TBC1D8: variants seen among roughly 807,000 people sequenced by gnomAD.
TBC1D8 encodes the protein BUB2-like protein 1.
TBC1D8 carries 65 observed loss-of-function variants against 118.8 expected under a neutral mutation model. The observed-to-expected ratio is 0.55, with a 90% confidence interval of 0.45 to 0.67. The LOEUF (loss-of-function observed/expected upper bound fraction) is 0.67. TBC1D8 is among the 30% of genes least tolerant of loss of function. TBC1D8 has a pLI of 0.00. For synonymous variants in TBC1D8, 566 were observed against 595.8 expected (o/e 0.95, Z 0.73); for missense variants, 1,376 against 1,471.2 (o/e 0.94, Z 1.06).
chr2:101,044,094 C>T (rs1298466615), intron 5 of TBC1D8, among the ~76,000 whole-genome samples: 6 of 152,334 alleles, frequency 3.9e-5, no homozygotes, highest in Non-Finnish European at 8.8e-5. Context: ...GTCTCCATTC[C>T]CCTTTCAGGG....
rs1448240717 is a variant in TBC1D8, at chr2:101,008,019, C to T, written c.3270G>A (p.Glu1090=). The T allele has an allele frequency of 1.2e-6, 2 of 1,614,004 alleles. No homozygotes were observed. Among genetic ancestry groups the T allele is most frequent in the African/African-American group, 1.3e-5 (1 of 75,038 alleles). The stretch of plus-strand genomic sequence containing the variant: ...AGACAGTCCAGTCCCTTTCTGCCGC[C>T]TCTGGAAATGCCTGGGAGTCCTGGG... ...KTPQDSQAFP[E]AAERDWTVSL... The change falls in exon 20 of 20, where the codon GAG becomes GAA. Residue 1090 remains glutamate (E), a synonymous_variant. Coordinates refer to ENST00000409318, the MANE Select transcript of TBC1D8 (RefSeq NM_001330348.2).
At chr2:101,011,754 A>G (rs1429447403) in intron 17 of TBC1D8, among the ~76,000 whole-genome samples, 1 of 152,228 alleles carries the variant, frequency 6.6e-6, no homozygotes, top group Non-Finnish European at 1.5e-5. Flanking sequence ...GCCTTTTCCC[A>G]GAGGTATGTG....
chr2:101,056,482 C>T (rs1682442253), intron 3 of TBC1D8, among the ~76,000 whole-genome samples: 3 of 152,164 alleles, frequency 2.0e-5, no homozygotes, highest in Non-Finnish European at 2.9e-5. Context: ...AGGCGTGAGC[C>T]ACCGCGCCCG....
At chr2:101,088,307 T>A (rs1387573721) in intron 2 of TBC1D8, among the ~76,000 whole-genome samples, 1 of 152,124 alleles carries the variant, frequency 6.6e-6, no homozygotes, top group Non-Finnish European at 1.5e-5. Context: ...CTTTTTTTTT[T>A]CCTTTGAGAC....
intron 17 of TBC1D8, among the ~76,000 whole-genome samples, chr2:101,011,785 CAT>C (rs1445113028): frequency 3.3e-5 from 5 of 152,160 alleles, no homozygotes; most frequent in Admixed American, 2.0e-4. Flanking sequence ...TAATTAACAA[CAT>C]ACACATTCAT....
In TBC1D8 at chr2:101,112,056, T is replaced by C. The variant is rs1024390357; in HGVS notation, c.128-21692A>G. 2.0e-5 allele frequency among the ~76,000 whole-genome samples: 3 copies of C among 152,204 alleles called. 1 individual carries two copies. Among genetic ancestry groups the C allele is most frequent in the Non-Finnish European group, 4.4e-5 (3 of 68,038 alleles). On this transcript the variant is annotated intron_variant, in intron 1 of 19. Transcript: ENST00000409318. ...AATCCATCTGAACACAGATGTGCTC[T>C]GGGTCCACATTGCTCACCCCTGACA...
rs1317641166 is a variant in TBC1D8, at chr2:101,106,908, C to A, written c.128-16544G>T. On this transcript the variant is annotated intron_variant, in intron 1 of 19. Transcript: ENST00000409318. The stretch of plus-strand genomic sequence containing the variant: ...ATATGCTTTGTGTTAGAAGACTTTG[C>A]CTAACTGTAGGCTAATGTAAGTGTT... 2.0e-5 allele frequency among the ~76,000 whole-genome samples: 3 copies of A among 152,166 alleles called. No individual in the cohort carries two copies. In the East Asian group the frequency reaches 5.8e-4, roughly 29 times the overall value.
chr2:101,036,816 A>C (rs1449200324), intron 8 of TBC1D8, among the ~76,000 whole-genome samples: 1 of 152,254 alleles, frequency 6.6e-6, no homozygotes, highest in Non-Finnish European at 1.5e-5. Flanking sequence ...GGCAGAAATA[A>C]ATACATATAT....
intron 1 of TBC1D8, among the ~76,000 whole-genome samples, chr2:101,096,621 A>G (rs1486461096): frequency 6.6e-6 from 1 of 152,010 alleles, no homozygotes; most frequent in Non-Finnish European, 1.5e-5. Flanking sequence ...AGAGATGGAA[A>G]CTCTGAGGAA....
chr2:101,137,666 T>C (rs1389344527), intron 1 of TBC1D8, among the ~76,000 whole-genome samples: 1 of 152,194 alleles, frequency 6.6e-6, no homozygotes, highest in East Asian at 1.9e-4. Context: ...AACAAAATAC[T>C]AAATACATCT....
chr2:101,060,392 C>G (rs1312823730), intron 2 of TBC1D8, among the ~76,000 whole-genome samples: 2 of 152,212 alleles, frequency 1.3e-5, no homozygotes, highest in Admixed American at 6.5e-5. Flanking sequence ...AGGAAATTTA[C>G]AGCTTACAAA....
intron 1 of TBC1D8, among the ~76,000 whole-genome samples, chr2:101,137,248 G>C (rs1018478733): frequency 2.0e-5 from 3 of 151,896 alleles, no homozygotes; most frequent in Admixed American, 6.6e-5. Context: ...GGTCAGGCTG[G>C]AGTCGAACTC....
At chr2:101,013,672 T>C (rs1022674323) in intron 17 of TBC1D8, among the ~76,000 whole-genome samples, 2 of 152,224 alleles carry the variant, frequency 1.3e-5, no homozygotes, top group African/African-American at 4.8e-5. Context: ...TGGTTTCTAT[T>C]TTCTATATCA....
intron 15 of TBC1D8, 55 bp from the exon 16 acceptor site, chr2:101,022,576 A>G: frequency 5.1e-6 from 8 of 1,553,892 alleles, no homozygotes; most frequent in Non-Finnish European, 6.9e-6. Flanking sequence ...AAGCCACGTT[A>G]TTAACACAAA....
At chr2:101,139,822 A>G (rs992488450) in intron 1 of TBC1D8, among the ~76,000 whole-genome samples, 2 of 151,990 alleles carry the variant, frequency 1.3e-5, no homozygotes, top group African/African-American at 4.8e-5. Context: ...GTTCCAACCC[A>G]AATTCATTTC....
chr2:101,076,069 G>C (rs1674796476), intron 2 of TBC1D8, among the ~76,000 whole-genome samples: 1 of 152,222 alleles, frequency 6.6e-6, no homozygotes, highest in Admixed American at 6.5e-5. Context: ...CATCACTGCA[G>C]ATGACCAGGG....
rs543177571 is a variant in TBC1D8, at chr2:101,122,190, G to C, written c.127+28937C>G. 6.7e-5 allele frequency among the ~76,000 whole-genome samples: 10 copies of C among 148,270 alleles called. No individual in the cohort carries two copies. The South Asian group carries it at 8.5e-4, about 13-fold the overall frequency. On this transcript the variant is annotated intron_variant, in intron 1 of 19. Coordinates refer to ENST00000409318, the MANE Select transcript of TBC1D8 (RefSeq NM_001330348.2). ...GGGTTCAAGTGATTCTCCTGCCTCA[G>C]CCTCCCAAGCAGCTGGGACTACAGG...
intron 1 of TBC1D8, among the ~76,000 whole-genome samples, chr2:101,111,142 T>C (rs1019241141): frequency 3.9e-5 from 6 of 152,206 alleles, no homozygotes; most frequent in African/African-American, 9.6e-5. Context: ...AATCTACCTA[T>C]TCAAAGTAAA....
intron 2 of TBC1D8, among the ~76,000 whole-genome samples, chr2:101,061,203 A>AG (rs1438460570): frequency 6.6e-6 from 1 of 151,140 alleles, no homozygotes; most frequent in Non-Finnish European, 1.5e-5. Context: ...AAAAAAAAAA[A>AG]AAAAAAAGCC....
Sources: allele counts gnomAD v4.1 joint callset (sites outside exome capture counted in the v4.1 genomes callset), GRCh38; gene constraint gnomAD v4.1.1; transcripts MANE v1.5; gene names NCBI Gene and HGNC (gene_info 2026-07-23, HGNC 2026-07-21).